Variants in CCND2 observed in about 807,000 individuals in gnomAD.
CCND2 encodes cyclin D2, also known as G1/S-specific cyclin-D2.
In CCND2, 6 loss-of-function variants were observed where a neutral mutation model predicts 30.2. That is an observed-to-expected ratio of 0.20 (90% CI 0.11 to 0.39). The LOEUF (loss-of-function observed/expected upper bound fraction) is 0.39, where lower values mean the gene tolerates loss of function less well. CCND2 is among the 10% of genes least tolerant of loss of function. CCND2 has a pLI of 1.00. For missense variants in CCND2, 235 were observed against 373.4 expected (o/e 0.63, Z 3.06); for synonymous variants, 150 against 153.1 (o/e 0.98, Z 0.15).
rs368616285 is a variant in CCND2 at position 4,276,215 on chromosome 12, C to G, written c.406C>G (p.Leu136Val). ...CGACAACTCCATCAAGCCTCAGGAG[C>G]TGCTGGTAATGACCGGCCCCTTCCT... ...YTDNSIKPQE[L>V]LEWELVVLGK... The change falls in exon 2 of 5, where the codon CTG becomes GTG. Residue 136 changes from leucine to valine, a missense_variant. By Grantham distance (32) the Leu-to-Val change is conservative. Coordinates refer to ENST00000261254, the MANE Select transcript of CCND2 (RefSeq NM_001759.4). The surrounding 1 kb of genome is among the most constrained non-coding windows in gnomAD (Gnocchi z 4.8). 1.5e-4 allele frequency: 249 copies of G among 1,613,356 alleles called. No homozygotes were observed. Among genetic ancestry groups the G allele is most frequent in the Non-Finnish European group, 2.1e-4 (242 of 1,179,462 alleles).
chr12:4,280,099 C>A (rs2120535961), intron 3 of CCND2, among the ~76,000 whole-genome samples: 1 of 144,706 alleles, frequency 6.9e-6, no homozygotes, highest in East Asian at 2.7e-4. Flanking sequence ...ATCTCCAAAA[C>A]AAGCCTATTG....
At chr12:4,295,472 GGTCATCA>G (rs776160101) in intron 4 of CCND2, among the ~76,000 whole-genome samples, 12 of 152,250 alleles carry the variant, frequency 7.9e-5, no homozygotes, top group African/African-American at 2.6e-4. Flanking sequence ...CAGTCAGAGG[GGTCATCA>G]GTCAAGAGCT....
At position 4,303,272 on chromosome 12, in the gene CCND2, G is replaced by A. The variant is rs1400017415; in HGVS notation, c.*3263G>A. ...GCTGCCGATGGGAAAGTCGGGGGTT[G>A]TTAGGCTTTTCTGCCTGCTCCTGCT... On this transcript the variant is annotated 3_prime_UTR_variant, in exon 5 of 5. Transcript: ENST00000261254. The surrounding 1 kb of genome is among the most constrained non-coding windows in gnomAD (Gnocchi z 4.6). 1 of 233,260 alleles carries A rather than the reference G, an allele frequency of 4.3e-6. No individual in the cohort carries two copies. Among genetic ancestry groups the A allele is most frequent in the Non-Finnish European group, 8.5e-6 (1 of 118,150 alleles). The allele number at this position is 233,260 out of a possible 1,614,324, so 14.4% of individuals were successfully genotyped here.
Position 4,304,573 on chromosome 12 carries a change from C to T in CCND2, c.*4564C>T. ...TCTAAACAACCCAGAATGGTCATTT[C>T]AGGCACAACGATACTACATTCGTGT... On this transcript the variant is annotated 3_prime_UTR_variant, in exon 5 of 5. Transcript: ENST00000261254. This position sits in a 1 kb window ranked among gnomAD's most constrained non-coding sequence, Gnocchi z 6.2. The T allele has an allele frequency of 4.3e-6, 1 of 233,736 alleles. No homozygotes were observed. Among genetic ancestry groups the T allele is most frequent in the African/African-American group, 2.2e-5 (1 of 45,474 alleles). The allele number at this position is 233,736 out of a possible 1,614,324, so 14.5% of individuals were successfully genotyped here.
rs771085906 is a variant in CCND2 at position 4,299,930 on chromosome 12, A to G, written c.791A>G (p.Asp264Gly). Residue 264 changes from aspartate to glycine, a missense_variant, in exon 5 of 5, where the codon GAC becomes GGC. Physicochemically the swap from Asp to Gly is moderately conservative, Grantham distance 94. Around this residue, in one of 2 missense-constraint regions of CCND2, gnomAD observed 57 missense variants for 50.7 expected, o/e 1.12. Transcript: ENST00000261254. This position sits in a 1 kb window ranked among gnomAD's most constrained non-coding sequence, Gnocchi z 5.2. ...AATAGCCTGCAGCAGTACCGTCAGG[A>G]CCAACGTGACGGATCCAAGTCGGAG... ...LLNSLQQYRQDQRDGSKSEDE... is the reference protein window; with the variant it reads ...LLNSLQQYRQGQRDGSKSEDE... 6.2e-7 allele frequency: 1 copy of G among 1,614,100 alleles called. No homozygotes were observed. Among genetic ancestry groups the G allele is most frequent in the Non-Finnish European group, 8.5e-7 (1 of 1,179,958 alleles).
chr12:4,294,379 C>T (rs903260641), intron 4 of CCND2, among the ~76,000 whole-genome samples: 1 of 152,102 alleles, frequency 6.6e-6, no homozygotes, highest in Non-Finnish European at 1.5e-5. Context: ...GGCTGACAGA[C>T]GAGCATTATG....
At chr12:4,294,069 CT>C (rs1864134807) in intron 4 of CCND2, among the ~76,000 whole-genome samples, 1 of 152,148 alleles carries the variant, frequency 6.6e-6, no homozygotes, top group Non-Finnish European at 1.5e-5. Flanking sequence ...CTTTGTCCCC[CT>C]GTTGAGTGCA....
At chr12:4,279,549 G>T (rs537675030) in intron 3 of CCND2, among the ~76,000 whole-genome samples, 1 of 152,284 alleles carries the variant, frequency 6.6e-6, no homozygotes, top group African/African-American at 2.4e-5. Flanking sequence ...TTCATGTGGA[G>T]GTGTTTTGAT....
chr12:4,293,593 A>C lies in CCND2; in HGVS notation c.720+4603A>C, dbSNP rs561218811. Among the ~76,000 whole-genome samples, 24 of 152,294 alleles carry C rather than the reference A, an allele frequency of 1.6e-4. No homozygotes were observed. Among genetic ancestry groups the C allele is most frequent in the African/African-American group, 5.3e-4 (22 of 41,556 alleles). On this transcript the variant is annotated intron_variant, in intron 4 of 4. Transcript: ENST00000261254. This position sits in a 1 kb window ranked among gnomAD's most constrained non-coding sequence, Gnocchi z 4.9. ...CACATTCTTAAATATTGCCCAGAGAAGATTCCAGGATATCCCTTCCTTAGG... is the reference window on the plus strand; with the variant it reads ...CACATTCTTAAATATTGCCCAGAGACGATTCCAGGATATCCCTTCCTTAGG...
In CCND2 at chr12:4,285,419, G is replaced by C. The variant is rs1864009474; in HGVS notation, c.572-3423G>C. 1 of 985,260 alleles carries C rather than the reference G, an allele frequency of 1.0e-6. No individual in the cohort carries two copies. The highest frequency in any genetic ancestry group is 6.1e-5 in the Admixed American group (1 of 16,266). 61.0% of individuals were successfully genotyped at this position (985,260 alleles called of 1,614,324 possible). On this transcript the variant is annotated intron_variant, in intron 3 of 4. Transcript: ENST00000261254. The surrounding 1 kb of genome is among the most constrained non-coding windows in gnomAD (Gnocchi z 4.1). Reference sequence around the variant, plus strand: ...TTTTGATCAAGAGACTTAACAGACTGCTGAGAAATTTGTACCTGGTTTTTA... The same window carrying C: ...TTTTGATCAAGAGACTTAACAGACTCCTGAGAAATTTGTACCTGGTTTTTA...
In CCND2 at chr12:4,287,664, C is replaced by T. The variant is rs911388417; in HGVS notation, c.572-1178C>T. Among the ~76,000 whole-genome samples, 3 of 152,190 alleles carry T rather than the reference C, an allele frequency of 2.0e-5. No individual in the cohort carries two copies. The highest frequency in any genetic ancestry group is 6.5e-5 in the Admixed American group (1 of 15,290). ...CTCTCAAAAGTCTCAGGGTTCTCAC[C>T]CATACCATTAGGGTGACGCTCGTGT... is the stretch of plus-strand genomic sequence containing the variant. On this transcript the variant is annotated intron_variant, in intron 3 of 4. Coordinates refer to ENST00000261254, the MANE Select transcript of CCND2 (RefSeq NM_001759.4). The surrounding 1 kb of genome is among the most constrained non-coding windows in gnomAD (Gnocchi z 4.0).
chr12:4,289,102 A>G, intron 4 of CCND2, 112 bp downstream of exon 4: 1 of 1,071,178 alleles, frequency 9.3e-7, no homozygotes, highest in Non-Finnish European at 1.3e-6. Flanking sequence ...TTTGTTTCCT[A>G]AGATCGACAT....
intron 4 of CCND2, among the ~76,000 whole-genome samples, chr12:4,297,043 G>A (rs1326462390): frequency 1.3e-5 from 2 of 152,100 alleles, no homozygotes; most frequent in African/African-American, 4.8e-5. Flanking sequence ...TGCTCAAGTG[G>A]AGAAAGGGCT....
At chr12:4,281,603 C>T (rs1003071577) in intron 3 of CCND2, among the ~76,000 whole-genome samples, 4 of 152,026 alleles carry the variant, frequency 2.6e-5, no homozygotes, top group African/African-American at 4.8e-5. Flanking sequence ...GCCAGGGTCT[C>T]GGAGGTCCAC....
rs1003105053 is a variant in CCND2 at position 4,287,393 on chromosome 12, G to T, written c.572-1449G>T. 5.3e-5 allele frequency among the ~76,000 whole-genome samples: 8 copies of T among 152,168 alleles called. No individual in the cohort carries two copies. The East Asian group carries it at 1.5e-3, about 29-fold the overall frequency. On this transcript the variant is annotated intron_variant, in intron 3 of 4. Coordinates refer to ENST00000261254, the MANE Select transcript of CCND2 (RefSeq NM_001759.4). This position sits in a 1 kb window ranked among gnomAD's most constrained non-coding sequence, Gnocchi z 4.0. ...GGAAGGGGAAATAGGAGAGGGGCTGGTTTTTGTAGATTTAACCTGATTGTT... is the reference window on the plus strand; with the variant it reads ...GGAAGGGGAAATAGGAGAGGGGCTGTTTTTTGTAGATTTAACCTGATTGTT...
At chr12:4,289,826 G>A (rs992221358) in intron 4 of CCND2, among the ~76,000 whole-genome samples, 22 of 152,186 alleles carry the variant, frequency 1.4e-4, no homozygotes, top group African/African-American at 4.3e-4. Context: ...AGCCAGGAGC[G>A]GGGTGGGCAG....
chr12:4,291,314 AAAAT>A (rs1331400921), intron 4 of CCND2, among the ~76,000 whole-genome samples: 1 of 151,924 alleles, frequency 6.6e-6, no homozygotes, highest in Non-Finnish European at 1.5e-5. Context: ...AGAGGGAAGA[AAAAT>A]AAAAGGACTA....
intron 3 of CCND2, among the ~76,000 whole-genome samples, chr12:4,283,507 A>G (rs1387667530): frequency 6.6e-6 from 1 of 152,244 alleles, no homozygotes; most frequent in Non-Finnish European, 1.5e-5. Flanking sequence ...ACAGTGAGTG[A>G]CATCAGCCAG....
rs1864220018 is a variant in CCND2, at chr12:4,299,601, C to T, written c.721-259C>T. 6.6e-6 allele frequency among the ~76,000 whole-genome samples: 1 copy of T among 152,158 alleles called. No individual in the cohort carries two copies. The highest frequency in any genetic ancestry group is 2.4e-5 in the African/African-American group (1 of 41,456). Reference sequence around the variant, plus strand: ...CCTGGGCTCCACTAAAAGGCAGGTTCTGAATAGCTCGGCCTGGGTTGACTG... The same window carrying T: ...CCTGGGCTCCACTAAAAGGCAGGTTTTGAATAGCTCGGCCTGGGTTGACTG... On this transcript the variant is annotated intron_variant, in intron 4 of 4. Transcript: ENST00000261254. The surrounding 1 kb of genome is among the most constrained non-coding windows in gnomAD (Gnocchi z 5.2).
Sources: allele counts gnomAD v4.1 joint callset (sites outside exome capture counted in the v4.1 genomes callset), GRCh38; gene constraint gnomAD v4.1.1; regional missense constraint gnomAD v4.1.1; non-coding constraint Gnocchi (gnomAD v3.1); transcripts MANE v1.5; gene names NCBI Gene and HGNC (gene_info 2026-07-23, HGNC 2026-07-21).